Variants in GABRG2 observed in about 807,000 individuals in gnomAD.
The protein encoded by GABRG2 is gamma-aminobutyric acid receptor subunit gamma-2.
GABRG2 carries 16 observed loss-of-function variants against 56.4 expected under a neutral mutation model. The ratio of observed to expected loss-of-function variants is 0.28; its 90% CI spans 0.19 to 0.43. The LOEUF is 0.43. GABRG2 is among the 20% of genes least tolerant of loss of function. The pLI is 1.00. For missense variants in GABRG2, 327 were observed against 582.7 expected, an observed-to-expected ratio of 0.56 and a Z score of 4.52; for synonymous variants, 208 against 205.5, an observed-to-expected ratio of 1.01 and a Z score of -0.10.
At chr5:162,105,210 A>G (rs1761712245) in intron 6 of GABRG2, among the ~76,000 whole-genome samples, 1 of 152,144 alleles carries the variant, frequency 6.6e-6, no homozygotes, top group Non-Finnish European at 1.5e-5. Context: ...AAAGATGGAA[A>G]TTTATGATTC....
intron 1 of GABRG2, among the ~76,000 whole-genome samples, chr5:162,085,509 G>A (rs1760006160): frequency 6.9e-6 from 1 of 145,292 alleles, no homozygotes; most frequent in Admixed American, 6.8e-5. Flanking sequence ...TTGTTCTTGT[G>A]TTAACCTTGG....
At chr5:162,097,602 T>C in intron 3 of GABRG2, 36 bp from the exon 4 acceptor site, 3 of 1,400,148 alleles carry the variant, frequency 2.1e-6, no homozygotes, top group Non-Finnish European at 3.0e-6. Flanking sequence ...AATCTTACTG[T>C]GTACAAATTT....
intron 8 of GABRG2, chr5:162,150,894 T>G (rs1765324296): frequency 6.6e-6 from 1 of 152,262 alleles, no homozygotes; most frequent in Non-Finnish European, 1.5e-5. Context: ...CTGTTTTGCC[T>G]CTCTCTGACT....
chr5:162,142,705 C>T (rs1764667661), intron 7 of GABRG2: 1 of 330,990 alleles, frequency 3.0e-6, no homozygotes, highest in Admixed American at 4.3e-5. Flanking sequence ...ACAATGAGAA[C>T]ACATGCACAT....
chr5:162,139,792 C>T (rs1263274144), intron 6 of GABRG2, among the ~76,000 whole-genome samples: 1 of 152,070 alleles, frequency 6.6e-6, no homozygotes, highest in Admixed American at 6.6e-5. Context: ...TTAAAATGTG[C>T]AGAAAGCTCA....
chr5:162,121,881 T>C (rs192190090), intron 6 of GABRG2, among the ~76,000 whole-genome samples: 3 of 152,136 alleles, frequency 2.0e-5, no homozygotes, highest in Admixed American at 1.3e-4. Flanking sequence ...GGGATTATCA[T>C]TTAATGTAAT....
chr5:162,070,835 G>A (rs1266213203), intron 1 of GABRG2, among the ~76,000 whole-genome samples: 1 of 151,802 alleles, frequency 6.6e-6, no homozygotes, highest in Non-Finnish European at 1.5e-5. Flanking sequence ...TTATGTCTGG[G>A]GAGAAAAGGA....
intron 1 of GABRG2, among the ~76,000 whole-genome samples, chr5:162,069,064 T>G (rs1056877933): frequency 6.6e-6 from 1 of 152,128 alleles, no homozygotes; most frequent in African/African-American, 2.4e-5. Flanking sequence ...GAGACTGGAC[T>G]CCTGAAAACC....
At chr5:162,132,048 T>G (rs1044588637) in intron 6 of GABRG2, among the ~76,000 whole-genome samples, 2 of 151,680 alleles carry the variant, frequency 1.3e-5, no homozygotes, top group Admixed American at 1.3e-4. Flanking sequence ...AAATATTGAT[T>G]AATTACAACC....
intron 6 of GABRG2, among the ~76,000 whole-genome samples, chr5:162,107,812 A>C (rs761284874): frequency 3.3e-5 from 5 of 152,218 alleles, no homozygotes; most frequent in African/African-American, 4.8e-5. Flanking sequence ...CTAATGAATC[A>C]TGAAGGCACT....
intron 6 of GABRG2, among the ~76,000 whole-genome samples, chr5:162,115,785 C>A (rs1400343366): frequency 6.6e-6 from 1 of 152,138 alleles, no homozygotes; most frequent in Non-Finnish European, 1.5e-5. Context: ...ATTGGCTGAA[C>A]TTGTATAGTC....
chr5:162,147,208 TCTTC>T (rs1194194325), intron 7 of GABRG2, among the ~76,000 whole-genome samples: 1 of 150,742 alleles, frequency 6.6e-6, no homozygotes, highest in African/African-American at 2.5e-5. Flanking sequence ...TTTCTTTCTT[TCTTC>T]CTTCTTTCTT....
At chr5:162,093,722 C>A in intron 1 of GABRG2, 106 bp from the exon 2 acceptor site, 1 of 1,085,000 alleles carries the variant, frequency 9.2e-7, no homozygotes, top group Non-Finnish European at 1.4e-6. Flanking sequence ...TCAGTTTAAA[C>A]ATTTCTTTTA....
chr5:162,140,194 G>T (rs750638911), intron 6 of GABRG2, among the ~76,000 whole-genome samples: 12 of 152,112 alleles, frequency 7.9e-5, no homozygotes, highest in Non-Finnish European at 1.8e-4. Context: ...CTAGATAATT[G>T]CTACTTATTG....
At chr5:162,096,457 C>A (rs968616692) in intron 3 of GABRG2, among the ~76,000 whole-genome samples, 1 of 152,096 alleles carries the variant, frequency 6.6e-6, no homozygotes, top group African/African-American at 2.4e-5. Flanking sequence ...GTTTTTTATT[C>A]ATGGCTTTTC....
chr5:162,124,366 A>T (rs1561652572), intron 6 of GABRG2, among the ~76,000 whole-genome samples: 1 of 151,862 alleles, frequency 6.6e-6, no homozygotes, highest in African/African-American at 2.4e-5. Flanking sequence ...CATTTTGCAT[A>T]TACCTATGAG....
chr5:162,107,267 C>G (rs1761906048), intron 6 of GABRG2, among the ~76,000 whole-genome samples: 1 of 151,754 alleles, frequency 6.6e-6, no homozygotes, highest in Non-Finnish European at 1.5e-5. Flanking sequence ...AATATAAGGA[C>G]CATAATTGGA....
Position 162,154,884 on chromosome 5 carries a change from A to C in GABRG2, c.*1516A>C, listed in dbSNP as rs745348234. ...TTGAGCCAATGACTGTGGCCTCATT[A>C]GATTACATTGTAGTTAAACAAAGCA... On this transcript the variant is annotated 3_prime_UTR_variant, in exon 10 of 10. Coordinates refer to ENST00000639213, the MANE Select transcript of GABRG2 (RefSeq NM_198904.4). 7.9e-5 allele frequency: 12 copies of C among 152,128 alleles called. No homozygotes were observed. The highest frequency in any genetic ancestry group is 1.8e-4 in the Non-Finnish European group (12 of 68,014). 9.4% of individuals were successfully genotyped at this position (152,128 alleles called of 1,614,324 possible).
At chr5:162,131,776 C>T (rs1763774466) in intron 6 of GABRG2, among the ~76,000 whole-genome samples, 1 of 151,952 alleles carries the variant, frequency 6.6e-6, no homozygotes, top group South Asian at 2.1e-4. Context: ...CCCCAGTGTT[C>T]GTACTGCCCT....
Sources: gnomAD v4.1 joint callset for allele counts (sites outside exome capture counted in the v4.1 genomes callset) on GRCh38, gnomAD v4.1.1 for gene constraint, MANE v1.5 for transcripts, NCBI Gene and HGNC (gene_info 2026-07-23, HGNC 2026-07-21) for gene names.